The following ST3GAL3 variants were observed in gnomAD, a reference collection of about 807,000 sequenced individuals.
The protein encoded by ST3GAL3 is CMP-N-acetylneuraminate-beta-1,4-galactoside alpha-2,3-sialyltransferase.
Under a neutral mutation model 50.1 loss-of-function variants are expected in ST3GAL3, and 21 were observed. The observed-to-expected ratio is 0.42, with a 90% CI of 0.30 to 0.60. The LOEUF (loss-of-function observed/expected upper bound fraction) is 0.60, where lower values mean the gene tolerates loss of function less well. Ranked by LOEUF, ST3GAL3 falls within the 20% of genes least tolerant of loss-of-function variation. ST3GAL3 has a pLI of 0.19. For synonymous variants in ST3GAL3, 183 were observed against 190.0 expected, an observed-to-expected ratio of 0.96 and a Z score of 0.30; for missense variants, 353 against 489.4, an observed-to-expected ratio of 0.72 and a Z score of 2.63.
intron 2 of ST3GAL3, among the ~76,000 whole-genome samples, chr1:43,782,264 A>T (rs771296145): frequency 6.6e-6 from 1 of 151,970 alleles, no homozygotes; most frequent in South Asian, 2.1e-4. Context: ...CAGTTTCCCA[A>T]TCCTGTCCAT....
intron 5 of ST3GAL3, among the ~76,000 whole-genome samples, chr1:43,847,599 G>GA (rs1214219648): frequency 1.3e-5 from 2 of 152,166 alleles, no homozygotes; most frequent in Non-Finnish European, 2.9e-5. Context: ...CATAGAGACA[G>GA]AAAGTAGAAT....
intron 11 of ST3GAL3, chr1:43,921,697 C>T (rs1320980256): frequency 2.5e-6 from 1 of 398,658 alleles, no homozygotes; most frequent in Non-Finnish European, 4.4e-6. Flanking sequence ...TCTTATCTAT[C>T]CTTCTCCATC....
Position 43,814,678 on chromosome 1 carries a change from C to T in ST3GAL3, c.167-213C>T, listed in dbSNP as rs79300878. The stretch of plus-strand genomic sequence containing the variant: ...ACATAGGACTGGCTGCCCTAGAATG[C>T]ATAGGAAATACCTGGCATTGAACTT... On this transcript the variant is annotated intron_variant, in intron 3 of 11. Coordinates refer to ENST00000347631, the MANE Select transcript of ST3GAL3 (RefSeq NM_006279.5). Among the ~76,000 whole-genome samples, 7 of 152,318 alleles carry T rather than the reference C, an allele frequency of 4.6e-5. No homozygotes were observed. In the East Asian group the frequency reaches 1.3e-3, roughly 29 times the overall value.
chr1:43,761,948 C>A, intron 2 of ST3GAL3, among the ~76,000 whole-genome samples: 1 of 63,970 alleles, frequency 1.6e-5, no homozygotes, highest in Non-Finnish European at 2.8e-5. Context: ...GACACTCTGT[C>A]TCAAAAAAAA....
chr1:43,886,973 G>T (rs749458222), intron 5 of ST3GAL3, among the ~76,000 whole-genome samples: 50 of 152,166 alleles, frequency 3.3e-4, no homozygotes, highest in Middle Eastern at 3.2e-3. Flanking sequence ...ATAGGGATGG[G>T]GTAAGGAGGC....
At chr1:43,817,821 T>TCTCCTCCTCCTC (rs2061588733) in intron 4 of ST3GAL3, among the ~76,000 whole-genome samples, 1 of 124,844 alleles carries the variant, frequency 8.0e-6, no homozygotes, top group Non-Finnish European at 1.7e-5. Flanking sequence ...TCCTCCTCCT[T>TCTCCTCCTCCTC]CTCTTCCTTC....
intron 3 of ST3GAL3, among the ~76,000 whole-genome samples, chr1:43,808,884 A>G (rs893629596): frequency 6.6e-6 from 1 of 152,242 alleles, no homozygotes; most frequent in African/African-American, 2.4e-5. Flanking sequence ...GGAAAACTGT[A>G]TAATGCATGG....
intron 5 of ST3GAL3, chr1:43,850,557 C>T (rs368474660): frequency 2.7e-5 from 19 of 710,390 alleles, no homozygotes; most frequent in South Asian, 5.6e-5. Context: ...TCCACTGGGC[C>T]GTAGAGTGTT....
intron 3 of ST3GAL3, among the ~76,000 whole-genome samples, chr1:43,799,244 A>G (rs555234952): frequency 7.2e-5 from 11 of 152,262 alleles, no homozygotes; most frequent in African/African-American, 2.6e-4. Context: ...TTGGATTTGG[A>G]TTTTTGTATT....
chr1:43,812,596 G>A lies in ST3GAL3; in HGVS notation c.167-2295G>A, dbSNP rs555205320. ...CCTACCTCAGCCTCTGGAGTAGCTG[G>A]GACTACAGGTGTGCAACAACATGCT... is the stretch of plus-strand genomic sequence containing the variant. On this transcript the variant is annotated intron_variant, in intron 3 of 11. Transcript: ENST00000347631. Among the ~76,000 whole-genome samples, 430 of 152,200 alleles carry A rather than the reference G, an allele frequency of 2.8e-3. 2 individuals carry two copies. Among genetic ancestry groups the A allele is most frequent in the African/African-American group, 1.0e-2 (415 of 41,546 alleles).
chr1:43,771,325 C>A (rs1236815599), intron 2 of ST3GAL3, among the ~76,000 whole-genome samples: 1 of 150,944 alleles, frequency 6.6e-6, no homozygotes, highest in African/African-American at 2.4e-5. Context: ...TCTTGGAAAT[C>A]ATTATATTTA....
Position 43,851,448 on chromosome 1 carries a change from T to C in ST3GAL3, c.302+13137T>C, listed in dbSNP as rs1243283418. 6.8e-6 allele frequency: 11 copies of C among 1,610,582 alleles called. No homozygotes were observed. The East Asian group carries it at 2.5e-4, about 36-fold the overall frequency. ...CTTATAGGCCTGCAGGGCTCGCTTC[T>C]GACAGAGGGTCTCCAGCTCATGAGT... On this transcript the variant is annotated intron_variant, in intron 5 of 11. Transcript: ENST00000347631.
chr1:43,851,041 C>A, intron 5 of ST3GAL3: 1 of 842,992 alleles, frequency 1.2e-6, no homozygotes, highest in African/African-American at 1.7e-5. Flanking sequence ...CACCAGCCTG[C>A]TGATATGTGC....
Position 43,759,058 on chromosome 1 carries a change from A to AGCGC in ST3GAL3, c.118+22683_118+22686dup, listed in dbSNP as rs550891277. Among the ~76,000 whole-genome samples, 229 of 113,720 alleles carry AGCGC rather than the reference A, an allele frequency of 2.0e-3. 1 individual carries two copies. The highest frequency in any genetic ancestry group is 5.1e-3 in the African/African-American group (167 of 32,720). The allele number at this position is 113,720 out of a possible 152,430, so 74.6% of individuals were successfully genotyped here. On this transcript the variant is annotated intron_variant, in intron 2 of 11. Transcript: ENST00000347631. ...GACTGTCTCCTAAAAAACAAACAAA[A>AGCGC]GCGCGCGCACACACACACACACACA...
intron 3 of ST3GAL3, among the ~76,000 whole-genome samples, chr1:43,801,009 T>C (rs1391120082): frequency 1.3e-5 from 2 of 152,180 alleles, no homozygotes; most frequent in Non-Finnish European, 2.9e-5. Flanking sequence ...AGCCCAGAGA[T>C]TGGAGCCAAA....
chr1:43,844,051 T>C (rs909450538), intron 5 of ST3GAL3, among the ~76,000 whole-genome samples: 1 of 152,242 alleles, frequency 6.6e-6, no homozygotes, highest in African/African-American at 2.4e-5. Flanking sequence ...AACTTATGTT[T>C]ATCCATTTAT....
At chr1:43,800,595 G>C (rs1056982576) in intron 3 of ST3GAL3, among the ~76,000 whole-genome samples, 2 of 152,194 alleles carry the variant, frequency 1.3e-5, no homozygotes, top group Non-Finnish European at 2.9e-5. Flanking sequence ...ATCAGCCCTG[G>C]GTTGGTTCCA....
chr1:43,902,043 T>C (rs903978122), intron 9 of ST3GAL3, among the ~76,000 whole-genome samples: 2 of 152,236 alleles, frequency 1.3e-5, no homozygotes, highest in Non-Finnish European at 2.9e-5. Context: ...GGCTAATGCC[T>C]TCCCAGGACC....
chr1:43,731,959 T>C (rs563002737), intron 1 of ST3GAL3, among the ~76,000 whole-genome samples: 2 of 152,320 alleles, frequency 1.3e-5, no homozygotes, highest in South Asian at 4.1e-4. Flanking sequence ...ATTACAGGTA[T>C]GAGTCATGGC....
Sources: gnomAD v4.1 joint callset for allele counts (sites outside exome capture counted in the v4.1 genomes callset) on GRCh38, gnomAD v4.1.1 for gene constraint, MANE v1.5 for transcripts, NCBI Gene and HGNC (gene_info 2026-07-23, HGNC 2026-07-21) for gene names.